The following ACE variants were observed in gnomAD, a reference collection of about 807,000 sequenced individuals.
The protein encoded by ACE is angiotensin-converting enzyme.
In ACE, 122 loss-of-function variants were observed where a neutral mutation model predicts 162.3. The observed-to-expected ratio is 0.75, with a 90% CI of 0.65 to 0.87. The LOEUF is 0.87. ACE is among the 40% of genes least tolerant of loss of function. The pLI, the probability that ACE is intolerant of heterozygous loss-of-function variation, is 0.00. For synonymous variants in ACE, 796 were observed against 720.6 expected, an observed-to-expected ratio of 1.10 and a Z score of -1.68; for missense variants, 1,799 against 1,735.1, an observed-to-expected ratio of 1.04 and a Z score of -0.65.
In ACE at chr17:63,496,443, C is replaced by T. The variant is rs138675881; in HGVS notation, c.3430C>T (p.Gln1144Ter). The T allele has an allele frequency of 1.9e-6, 3 of 1,614,120 alleles. No individual in the cohort carries two copies. The highest frequency in any genetic ancestry group is 2.5e-6 in the Non-Finnish European group (3 of 1,180,058). The change falls in exon 23 of 25, where the codon CAG becomes TAG. Residue 1144 changes from glutamine to a stop codon, truncating the protein, a stop_gained. Coordinates refer to ENST00000290866, the MANE Select transcript of ACE (RefSeq NM_000789.4). LOFTEE classifies it high-confidence loss of function. ...GTTCCAGTTCCACGAGGCACTGTGC[C>T]AGGCAGCTGGCCACACGGGCCCCCT... ...IQFQFHEALCQAAGHTGPLHK... is the reference protein window; with the variant it reads ...IQFQFHEALC
In ACE at chr17:63,478,430, C is replaced by G. The variant is rs949597233; in HGVS notation, c.417+332C>G. 1.4e-4 allele frequency: 51 copies of G among 363,050 alleles called. 1 individual carries two copies. Among genetic ancestry groups the G allele is most frequent in the Admixed American group, 9.3e-4 (23 of 24,786 alleles). 22.5% of individuals were successfully genotyped at this position (363,050 alleles called of 1,614,324 possible). ...CCTGTAATCCCAGCACTTTGGGAGG[C>G]TGAGGTGGGCGCATCGCTTGAGCCC... On this transcript the variant is annotated intron_variant, in intron 2 of 24. Coordinates refer to ENST00000290866, the MANE Select transcript of ACE (RefSeq NM_000789.4).
chr17:63,497,156 C>T lies in ACE; in HGVS notation c.3711C>T (p.Leu1237=), dbSNP rs1334187394. Residue 1237 remains leucine, a synonymous_variant, in exon 25 of 25, where the codon CTC becomes CTT. Coordinates refer to ENST00000290866, the MANE Select transcript of ACE (RefSeq NM_000789.4). ...GCTCAGCTCGCTCAGAAGGGCCCCT[C>T]CCAGACAGCGGCCGCGTCAGCTTCC... ...TPNSARSEGP[L]PDSGRVSFLG... The T allele has an allele frequency of 2.5e-6, 4 of 1,604,438 alleles. No homozygotes were observed. Among genetic ancestry groups the T allele is most frequent in the Admixed American group, 1.7e-5 (1 of 59,818 alleles).
intron 5 of ACE, 116 bp from the exon 6 acceptor site, chr17:63,480,975 C>T: frequency 1.0e-6 from 1 of 977,188 alleles, no homozygotes; most frequent in Non-Finnish European, 1.6e-6. Context: ...GCCAGGCCTG[C>T]AGCCCTTGAG....
chr17:63,481,767 G>A (rs2147532142), intron 7 of ACE, 29 bp downstream of exon 7: 1 of 1,613,758 alleles, frequency 6.2e-7, no homozygotes, highest in Non-Finnish European at 8.5e-7. Flanking sequence ...CACGTTCTGG[G>A]GTTCCCCGGT....
rs756060281 is a variant in ACE, at chr17:63,479,844, C to T, written c.587C>T (p.Ala196Val). Residue 196 changes from alanine to valine, a missense_variant, in exon 4 of 25, where the codon GCG (alanine) becomes GTG (valine). Coordinates refer to ENST00000290866, the MANE Select transcript of ACE (RefSeq NM_000789.4). Reference protein sequence around the residue: ...LFAWEGWHNAAGIPLKPLYED... With the variant: ...LFAWEGWHNAVGIPLKPLYED... ...GCCTGGGAGGGCTGGCACAACGCTGCGGGCATCCCGCTGAAACCGCTGTAC... is the reference window on the plus strand; with the variant it reads ...GCCTGGGAGGGCTGGCACAACGCTGTGGGCATCCCGCTGAAACCGCTGTAC... 7 of 1,613,040 alleles carry T rather than the reference C, an allele frequency of 4.3e-6. No individual in the cohort carries two copies. Among genetic ancestry groups the T allele is most frequent in the East Asian group, 4.5e-5 (2 of 44,890 alleles).
intron 22 of ACE, 28 bp downstream of exon 22, chr17:63,494,498 G>A (rs376942638): frequency 6.4e-7 from 1 of 1,566,746 alleles, no homozygotes; most frequent in African/African-American, 1.4e-5. Context: ...AGGGCACATT[G>A]TGAGGGGCAG....
chr17:63,481,119 C>T lies in ACE; in HGVS notation c.876C>T (p.Asn292=). ...LGDMWAQSWE[N]IYDMVVPFPD... ...ACATGTGGGCCCAGAGCTGGGAAAA[C>T]ATCTACGACATGGTGGTGCCTTTCC... Residue 292 remains asparagine (N), a synonymous_variant, in exon 6 of 25, where the codon AAC becomes AAT. Coordinates refer to ENST00000290866, the MANE Select transcript of ACE (RefSeq NM_000789.4). The T allele has an allele frequency of 6.2e-7, 1 of 1,613,962 alleles. No individual in the cohort carries two copies. Among genetic ancestry groups the T allele is most frequent in the Non-Finnish European group, 8.5e-7 (1 of 1,179,972 alleles).
rs753361228 is a variant in ACE at position 63,479,847 on chromosome 17, G to A, written c.590G>A (p.Gly197Asp). ...TGGGAGGGCTGGCACAACGCTGCGG[G>A]CATCCCGCTGAAACCGCTGTACGAG... ...FAWEGWHNAA[G>D]IPLKPLYEDF... The change falls in exon 4 of 25, where the codon GGC becomes GAC. Residue 197 changes from glycine to aspartate, a missense_variant. Transcript: ENST00000290866. The A allele has an allele frequency of 4.6e-5, 75 of 1,612,906 alleles. No homozygotes were observed. Among genetic ancestry groups the A allele is most frequent in the Non-Finnish European group, 6.1e-5 (72 of 1,180,040 alleles).
chr17:63,488,830 C>G, intron 16 of ACE, 39 bp downstream of exon 16: 1 of 1,614,034 alleles, frequency 6.2e-7, no homozygotes, highest in Non-Finnish European at 8.5e-7. Context: ...ACTTGGGTCC[C>G]TTCATTTTCC....
chr17:63,483,326 C>G, intron 9 of ACE, 134 bp from the exon 10 acceptor site: 1 of 1,488,836 alleles, frequency 6.7e-7, no homozygotes, highest in Non-Finnish European at 9.3e-7. Context: ...GCCTGAAACT[C>G]CCTCTTCCAG....
Position 63,496,980 on chromosome 17 carries a change from A to G in ACE, c.3686A>G (p.Asn1229Ser), listed in dbSNP as rs753269825. Residue 1229 changes from asparagine (N) to serine (S), a missense_variant, in exon 24 of 25, where the codon AAC becomes AGC. Asn to Ser is a conservative substitution (Grantham distance 46). Transcript: ENST00000290866. ...LGWPQYNWTP[N>S]SARSEGPLPD... ...TGGCCGCAGTACAACTGGACGCCGA[A>G]CTCCGGTACCGCCACCCACCCCACC... is the stretch of plus-strand genomic sequence containing the variant. 1.9e-6 allele frequency: 3 copies of G among 1,610,030 alleles called. No homozygotes were observed. The highest frequency in any genetic ancestry group is 2.5e-6 in the Non-Finnish European group (3 of 1,179,088).
intron 2 of ACE, chr17:63,478,502 C>CAA (rs367727597): frequency 1.3e-4 from 36 of 268,804 alleles, no homozygotes; most frequent in African/African-American, 5.0e-4. Flanking sequence ...CTCGTCTCTA[C>CAA]AAAAAAAAAA....
rs371391440 is a variant in ACE, at chr17:63,496,525, C to T, written c.3503+9C>T. ...GCCGGGCAGCGCCTGGCGTGAGTGT[C>T]CTCCAGCCCTCCTTTGTTTCCATGC... is the stretch of plus-strand genomic sequence containing the variant. On this transcript the variant is annotated intron_variant, in intron 23 of 24. Transcript: ENST00000290866. 3.1e-6 allele frequency: 5 copies of T among 1,613,860 alleles called. No individual in the cohort carries two copies. Among genetic ancestry groups the T allele is most frequent in the Non-Finnish European group, 4.2e-6 (5 of 1,180,052 alleles).
rs753025383 is a variant in ACE, at chr17:63,479,048, C to A, written c.459C>A (p.Thr153=). 2 of 1,613,600 alleles carry A rather than the reference C, an allele frequency of 1.2e-6. No homozygotes were observed. The highest frequency in any genetic ancestry group is 2.7e-5 in the African/African-American group (2 of 74,852). Reference sequence around the variant, plus strand: ...GCAACATGAGCAGGATCTACTCCACCGCCAAGGTCTGCCTCCCCAACAAGA... The same window carrying A: ...GCAACATGAGCAGGATCTACTCCACAGCCAAGGTCTGCCTCCCCAACAAGA... ...LLSNMSRIYS[T]AKVCLPNKTA... is the part of the protein sequence containing the mutation. The change falls in exon 3 of 25, where the codon ACC becomes ACA. Residue 153 remains threonine (T), a synonymous_variant. Coordinates refer to ENST00000290866, the MANE Select transcript of ACE (RefSeq NM_000789.4).
At chr17:63,486,239 C>A (rs946210843) in intron 13 of ACE, 1 of 430,700 alleles carries the variant, frequency 2.3e-6, no homozygotes, top group Non-Finnish European at 4.3e-6. Context: ...TTGATATTAA[C>A]TCTGAGGTTC....
In ACE at chr17:63,484,712, T is replaced by C; in HGVS notation, c.1921+171T>C. 2 of 1,452,376 alleles carry C rather than the reference T, an allele frequency of 1.4e-6. No homozygotes were observed. The highest frequency in any genetic ancestry group is 2.5e-5 in the East Asian group (1 of 40,256). The allele number at this position is 1,452,376 out of a possible 1,614,324, so 90.0% of individuals were successfully genotyped here. A position where few individuals can be genotyped will look rare whatever the true frequency, so the allele number is the denominator to read the frequency against. ...CAGGGCCTGCGAGTGGGGACAGGCA[T>C]GTCTTTCCCCCAGCATCCTAGAGAG... On this transcript the variant is annotated intron_variant, in intron 12 of 24. Coordinates refer to ENST00000290866, the MANE Select transcript of ACE (RefSeq NM_000789.4). The surrounding 1 kb of genome is among the most constrained non-coding windows in gnomAD (Gnocchi z 4.0).
In ACE at chr17:63,479,897, G is replaced by T. The variant is rs142677199; in HGVS notation, c.640G>T (p.Ala214Ser). 1.9e-6 allele frequency: 3 copies of T among 1,611,316 alleles called. No homozygotes were observed. Among genetic ancestry groups the T allele is most frequent in the South Asian group, 2.2e-5 (2 of 91,062 alleles). The change falls in exon 4 of 25, where the codon GCC (alanine) becomes TCC (serine). Residue 214 changes from alanine (A) to serine (S), a missense_variant. Ala to Ser is a moderately conservative substitution (Grantham distance 99, BLOSUM62 1). Coordinates refer to ENST00000290866, the MANE Select transcript of ACE (RefSeq NM_000789.4). ...GGATTTCACTGCCCTCAGCAATGAAGCCTACAAGCAGGACGGTGAGCAGGC... is the reference window on the plus strand; with the variant it reads ...GGATTTCACTGCCCTCAGCAATGAATCCTACAAGCAGGACGGTGAGCAGGC... ...YEDFTALSNE[A>S]YKQDGFTDTG...
chr17:63,493,245 GC>G (rs2030496985), intron 19 of ACE, among the ~76,000 whole-genome samples, 190 bp from the exon 20 acceptor site: 1 of 152,178 alleles, frequency 6.6e-6, no homozygotes, highest in African/African-American at 2.4e-5. Flanking sequence ...GATGCTAGGG[GC>G]TTCTGCCCCC....
chr17:63,485,785 A>C lies in ACE; in HGVS notation c.2058+413A>C, dbSNP rs554544115. ...GCGAGACTCCATCAAAAAAAAAAAAAAAAAAAACTCAATTTCAGATTTTGA... is the reference window on the plus strand; with the variant it reads ...GCGAGACTCCATCAAAAAAAAAAAACAAAAAAACTCAATTTCAGATTTTGA... On this transcript the variant is annotated intron_variant, in intron 13 of 24. Coordinates refer to ENST00000290866, the MANE Select transcript of ACE (RefSeq NM_000789.4). The C allele has an allele frequency of 9.0e-4, 215 of 238,076 alleles. 1 individual carries two copies. The highest frequency in any genetic ancestry group is 4.8e-3 in the African/African-American group (210 of 43,784). The allele number at this position is 238,076 out of a possible 1,614,324, so 14.7% of individuals were successfully genotyped here. A position where few individuals can be genotyped will look rare whatever the true frequency, so the allele number is the denominator to read the frequency against.
Sources: allele counts gnomAD v4.1 joint callset (sites outside exome capture counted in the v4.1 genomes callset), GRCh38; gene constraint gnomAD v4.1.1; non-coding constraint Gnocchi (gnomAD v3.1); transcripts MANE v1.5; gene names NCBI Gene and HGNC (gene_info 2026-07-23, HGNC 2026-07-21).